Variants in BANK1 observed in about 807,000 individuals in gnomAD.
BANK1 encodes B-cell scaffold protein with ankyrin repeats.
A neutral mutation model predicts 94.5 loss-of-function variants in BANK1; 95 were observed. The observed-to-expected ratio is 1.00, with a 90% CI of 0.85 to 1.19. BANK1 has a LOEUF of 1.19. Ranked by LOEUF, BANK1 falls within the 50% of genes most tolerant of loss-of-function variation. The pLI is 0.00. For missense variants in BANK1, 987 were observed against 932.2 expected, an observed-to-expected ratio of 1.06 and a Z score of -0.77; for synonymous variants, 334 against 308.4, an observed-to-expected ratio of 1.08 and a Z score of -0.87.
chr4:102,026,856 G>T, intron 9 of BANK1, among the ~76,000 whole-genome samples: 1 of 150,060 alleles, frequency 6.7e-6, no homozygotes, highest in Non-Finnish European at 1.5e-5. Flanking sequence ...TTTAGCATTT[G>T]TGTCATTGAA....
intron 5 of BANK1, among the ~76,000 whole-genome samples, chr4:101,890,663 C>A (rs561234433): frequency 6.7e-6 from 1 of 148,542 alleles, no homozygotes; most frequent in African/African-American, 2.4e-5. Context: ...ATAGTTAAAT[C>A]ATATTTTTAA....
chr4:102,030,042 A>C lies in BANK1; in HGVS notation c.1677A>C (p.Lys559Asn). ...GVRQETGDEPKGEKEKKEEEK... is the reference protein window; with the variant it reads ...GVRQETGDEPNGEKEKKEEEK... ...GACAAGAAACAGGAGATGAACCCAA[A>C]GGAGAAAAAGAGAAGAAAGAAGAGG... The change falls in exon 10 of 17, where the codon AAA becomes AAC. Residue 559 changes from lysine (K) to asparagine (N), a missense_variant. Physicochemically the swap from Lys to Asn is moderately conservative, Grantham distance 94. Coordinates refer to ENST00000322953, the MANE Select transcript of BANK1 (RefSeq NM_017935.5). 6.2e-7 allele frequency: 1 copy of C among 1,613,988 alleles called. No individual in the cohort carries two copies.
At chr4:101,819,390 G>A (rs1031582144) in intron 1 of BANK1, among the ~76,000 whole-genome samples, 5 of 152,044 alleles carry the variant, frequency 3.3e-5, no homozygotes, top group Non-Finnish European at 7.4e-5. Context: ...ATAAATTAGG[G>A]TGCAGTCTAT....
chr4:102,073,625 C>T, intron 15 of BANK1, 59 bp from the exon 16 acceptor site: 1 of 1,493,564 alleles, frequency 6.7e-7, no homozygotes, highest in Non-Finnish European at 9.2e-7. Context: ...TTTCTTTGTT[C>T]AACCTTAAAA....
chr4:102,044,788 G>A (rs1386948185), intron 11 of BANK1, among the ~76,000 whole-genome samples: 82 of 89,938 alleles, frequency 9.1e-4, no homozygotes, highest in East Asian at 8.2e-3. Flanking sequence ...GCCAGTGATG[G>A]TGAGCATTTT....
chr4:101,940,215 A>C (rs1029917109), intron 7 of BANK1, among the ~76,000 whole-genome samples: 1 of 151,274 alleles, frequency 6.6e-6, no homozygotes, highest in Non-Finnish European at 1.5e-5. Context: ...AAATATTGCA[A>C]TGGTAGGGAC....
At chr4:101,882,150 C>T (rs1324945274) in intron 5 of BANK1, among the ~76,000 whole-genome samples, 1 of 151,960 alleles carries the variant, frequency 6.6e-6, no homozygotes, top group South Asian at 2.1e-4. Context: ...GATTATTACA[C>T]GTTGTATGCC....
At position 102,067,391 on chromosome 4, in the gene BANK1, C is replaced by A. The variant is rs146255304; in HGVS notation, c.2213-3884C>A. On this transcript the variant is annotated intron_variant, in intron 13 of 16. Transcript: ENST00000322953. ...GACTGGAAACAAAAGCAATATCCAA[C>A]CTTATGCTGTCTAAAAGACATATAT... Among the ~76,000 whole-genome samples the A allele has an allele frequency of 4.7e-3, 718 of 152,030 alleles. 3 individuals are homozygous for A. The highest frequency in any genetic ancestry group is 0.016 in the African/African-American group (683 of 41,552).
chr4:101,871,554 C>G (rs760827462), intron 5 of BANK1, among the ~76,000 whole-genome samples: 2 of 152,008 alleles, frequency 1.3e-5, no homozygotes, highest in East Asian at 1.9e-4. Flanking sequence ...ATTATATGAA[C>G]GACATATTTT....
intron 7 of BANK1, among the ~76,000 whole-genome samples, chr4:102,007,054 TA>T (rs1344642066): frequency 8.0e-6 from 1 of 125,370 alleles, no homozygotes. Context: ...TATATATATA[TA>T]AAATATATAA....
chr4:101,895,439 T>C (rs1722039836), intron 6 of BANK1, 29 bp downstream of exon 6: 4 of 1,316,066 alleles, frequency 3.0e-6, no homozygotes, highest in Non-Finnish European at 4.4e-6. Context: ...CATCAATTAT[T>C]CTTTTTATCA....
At chr4:101,860,418 CTT>C in intron 3 of BANK1, among the ~76,000 whole-genome samples, 1 of 103,134 alleles carries the variant, frequency 9.7e-6, no homozygotes, top group Admixed American at 9.2e-5. Context: ...GGAGTCCTGA[CTT>C]TCTTTTTTTT....
intron 7 of BANK1, among the ~76,000 whole-genome samples, chr4:101,926,610 A>G (rs1055802148): frequency 1.3e-5 from 2 of 151,754 alleles, no homozygotes; most frequent in African/African-American, 2.4e-5. Context: ...AAGACTATAA[A>G]TAAATAAAGA....
intron 2 of BANK1, among the ~76,000 whole-genome samples, chr4:101,842,495 G>A (rs917302824): frequency 6.6e-6 from 1 of 152,056 alleles, no homozygotes; most frequent in African/African-American, 2.4e-5. Context: ...AACAGAGGAG[G>A]CAACTAGAAA....
chr4:101,803,767 G>A (rs1405223316), intron 1 of BANK1, among the ~76,000 whole-genome samples: 1 of 151,780 alleles, frequency 6.6e-6, no homozygotes. Flanking sequence ...GGAGGCCGAG[G>A]CGGGCGGATC....
chr4:101,907,940 T>C (rs1338460531), intron 6 of BANK1, among the ~76,000 whole-genome samples: 1 of 152,200 alleles, frequency 6.6e-6, no homozygotes, highest in East Asian at 1.9e-4. Flanking sequence ...TCCATGCTCA[T>C]GGGTAGGAAG....
At chr4:102,047,717 G>T (rs1184263761) in intron 11 of BANK1, among the ~76,000 whole-genome samples, 2 of 151,940 alleles carry the variant, frequency 1.3e-5, no homozygotes, top group Non-Finnish European at 2.9e-5. Flanking sequence ...AAGGGAAAAT[G>T]CAAAGAAGGC....
At chr4:102,058,491 A>G (rs1000340597) in intron 11 of BANK1, among the ~76,000 whole-genome samples, 1 of 152,150 alleles carries the variant, frequency 6.6e-6, no homozygotes, top group African/African-American at 2.4e-5. Context: ...GAAGACAGAA[A>G]ACCTTTCATT....
Position 101,986,899 on chromosome 4 carries a change from G to GTGTGTGTGTGTGTGTATA in BANK1, c.1207-34614_1207-34613insGTGTGTGTGTGTGTATAT, listed in dbSNP as rs1343197093. Among the ~76,000 whole-genome samples, 4 of 82,670 alleles carry GTGTGTGTGTGTGTGTATA rather than the reference G, an allele frequency of 4.8e-5. 1 individual carries two copies. The highest frequency in any genetic ancestry group is 1.9e-4 in the African/African-American group (3 of 15,528). 54.2% of individuals were successfully genotyped at this position (82,670 alleles called of 152,430 possible). The stretch of plus-strand genomic sequence containing the variant: ...TGTGTGTGTGTGTGTGTGTGTGTGT[G>GTGTGTGTGTGTGTGTATA]TATATATATATATATATATATATAT... On this transcript the variant is annotated intron_variant, in intron 7 of 16. Coordinates refer to ENST00000322953, the MANE Select transcript of BANK1 (RefSeq NM_017935.5).
Sources: allele counts gnomAD v4.1 joint callset (sites outside exome capture counted in the v4.1 genomes callset), GRCh38; gene constraint gnomAD v4.1.1; transcripts MANE v1.5; gene names NCBI Gene and HGNC (gene_info 2026-07-23, HGNC 2026-07-21).